Variants in HRAS observed in about 807,000 individuals in gnomAD.
The protein encoded by HRAS is HRas proto-oncogene, GTPase.
HRAS carries 11 observed loss-of-function variants against 19.8 expected under a neutral mutation model. The observed-to-expected ratio is 0.55, with a 90% confidence interval of 0.35 to 0.92. The LOEUF (loss-of-function observed/expected upper bound fraction) is 0.92. Ranked by LOEUF, HRAS falls within the 40% of genes least tolerant of loss-of-function variation. The pLI is 0.01. For missense variants in HRAS, 204 were observed against 255.9 expected, an observed-to-expected ratio of 0.80 and a Z score of 1.38; for synonymous variants, 149 against 105.5, an observed-to-expected ratio of 1.41 and a Z score of -2.52.
chr11:533,911 C>A lies in HRAS; in HGVS notation c.145G>T (p.Glu49Ter), dbSNP rs1277340795. ...TCCAGGATGTCCAACAGGCACGTCTCCCCATCAATGACCACCTGCTTCCGG... is the reference window on the plus strand; with the variant it reads ...TCCAGGATGTCCAACAGGCACGTCTACCCATCAATGACCACCTGCTTCCGG... ...SYRKQVVIDGETCLLDILDTA... is the reference protein window; with the variant it reads ...SYRKQVVIDG The change falls in exon 3 of 6, where the codon GAG becomes TAG. Residue 49 changes from glutamate to a stop codon, truncating the protein, a stop_gained. Coordinates refer to ENST00000311189, the MANE Select transcript of HRAS (RefSeq NM_005343.4). LOFTEE classifies it high-confidence loss of function. 3 of 1,612,902 alleles carry A rather than the reference C, an allele frequency of 1.9e-6. No homozygotes were observed. Among genetic ancestry groups the A allele is most frequent in the Non-Finnish European group, 2.5e-6 (3 of 1,180,010 alleles).
chr11:533,578 C>T lies in HRAS; in HGVS notation c.325G>A (p.Val109Met), dbSNP rs1342261234. 1.2e-6 allele frequency: 2 copies of T among 1,613,844 alleles called. No individual in the cohort carries two copies. The highest frequency in any genetic ancestry group is 2.2e-5 in the East Asian group (1 of 44,886). Residue 109 changes from valine (V) to methionine (M), a missense_variant, in exon 4 of 6, where the codon GTG becomes ATG. Physicochemically the swap from Val to Met is conservative, Grantham distance 21. Transcript: ENST00000311189. ...TTGTTCCCCACCAGCACCATGGGCACGTCATCCGAGTCCTTCACCCGTTTG... is the reference window on the plus strand; with the variant it reads ...TTGTTCCCCACCAGCACCATGGGCATGTCATCCGAGTCCTTCACCCGTTTG... ...QIKRVKDSDD[V>M]PMVLVGNKCD...
In HRAS at chr11:532,614, C is replaced by T. The variant is rs1373059919; in HGVS notation, c.*5+17G>A. The T allele has an allele frequency of 1.9e-6, 3 of 1,606,636 alleles. No individual in the cohort carries two copies. Among genetic ancestry groups the T allele is most frequent in the Non-Finnish European group, 1.7e-6 (2 of 1,179,174 alleles). On this transcript the variant is annotated intron_variant, in intron 5 of 5. Coordinates refer to ENST00000311189, the MANE Select transcript of HRAS (RefSeq NM_005343.4). ...TCATCCGGTGGGCGTGGCGGCCGCC[C>T]TGGGAGTCCCCCTCACCTGCGTCAG...
Position 533,323 on chromosome 11 carries a change from G to T in HRAS, c.450+130C>A, listed in dbSNP as rs905746081. 24 of 1,603,822 alleles carry T rather than the reference G, an allele frequency of 1.5e-5. No individual in the cohort carries two copies. Among genetic ancestry groups the T allele is most frequent in the Non-Finnish European group, 2.0e-5 (24 of 1,179,552 alleles). ...ACATGGGTCCCGGGGGGTCCCAGAG[G>T]GTCCCGGAGCTGGAGCTAGAGCCAG... is the stretch of plus-strand genomic sequence containing the variant. On this transcript the variant is annotated intron_variant, in intron 4 of 5. Coordinates refer to ENST00000311189, the MANE Select transcript of HRAS (RefSeq NM_005343.4).
chr11:533,410 G>A (rs778295522), intron 4 of HRAS, 43 bp downstream of exon 4: 10 of 1,609,304 alleles, frequency 6.2e-6, no homozygotes, highest in South Asian at 3.3e-5. Context: ...GGGGCGGGGC[G>A]GGGCGGGTCC....
rs1851243465 is a variant in HRAS at position 533,528 on chromosome 11, C to T, written c.375G>A (p.Val125=). ...GNKCDLAART[V]ESRQAQDLAR... ...CGAGGTCCTGAGCCTGCCGAGATTC[C>T]ACAGTGCGTGCAGCCAGGTCACACT... Residue 125 remains valine, a synonymous_variant, in exon 4 of 6, where the codon GTG becomes GTA. Transcript: ENST00000311189. 1 of 1,613,840 alleles carries T rather than the reference C, an allele frequency of 6.2e-7. No individual in the cohort carries two copies. Among genetic ancestry groups the T allele is most frequent in the Non-Finnish European group, 8.5e-7 (1 of 1,179,992 alleles).
rs1316421435 is a variant in HRAS at position 534,393 on chromosome 11, G to A, written c.-53-18C>T. On this transcript the variant is annotated intron_variant, in intron 1 of 5. Transcript: ENST00000311189. ...TGCCCCACCTGCCAAGGAGGGCCCT[G>A]CTCAGCCAGGCCCAGGCCCAGCCCC... 7.8e-7 allele frequency: 1 copy of A among 1,287,464 alleles called. No individual in the cohort carries two copies. Among genetic ancestry groups the A allele is most frequent in the Non-Finnish European group, 1.1e-6 (1 of 907,410 alleles). 79.8% of individuals were successfully genotyped at this position (1,287,464 alleles called of 1,614,324 possible). A position where few individuals can be genotyped will look rare whatever the true frequency, so the allele number is the denominator to read the frequency against.
chr11:532,879 C>G, intron 4 of HRAS, 124 bp from the exon 5 acceptor site: 3 of 932,660 alleles, frequency 3.2e-6, no homozygotes, highest in Non-Finnish European at 3.4e-6. Context: ...GCCACTTCCC[C>G]AGGCCCACCA....
Position 534,297 on chromosome 11 carries a change from A to AC in HRAS, c.25dup (p.Val9GlyfsTer39). The AC allele has an allele frequency of 6.2e-7, 1 of 1,612,518 alleles. No individual in the cohort carries two copies. Among genetic ancestry groups the AC allele is most frequent in the Non-Finnish European group, 8.5e-7 (1 of 1,179,466 alleles). On this transcript the variant is annotated frameshift_variant, in exon 2 of 6. Transcript: ENST00000311189. LOFTEE classifies it high-confidence loss of function. ...ACTCTTGCCCACACCGCCGGCGCCC[A>AC]CCACCACCAGCTTATATTCCGTCAT...
intron 3 of HRAS, 58 bp downstream of exon 3, chr11:533,708 A>G (rs2133989078): frequency 1.2e-6 from 2 of 1,610,662 alleles, no homozygotes; most frequent in Non-Finnish European, 1.7e-6. Context: ...GCCTGGACGC[A>G]GCCGGCCTGG....
rs745342495 is a variant in HRAS, at chr11:533,989, G to T, written c.112-45C>A. On this transcript the variant is annotated intron_variant, in intron 2 of 5. Transcript: ENST00000311189. ...AGGGACCCCCTCAGGACCTTCCGTG[G>T]GGGGAGTTCACACAGCCAGCCTCTC... 8 of 1,591,170 alleles carry T rather than the reference G, an allele frequency of 5.0e-6. No individual in the cohort carries two copies. In the African/African-American group the frequency reaches 9.4e-5, roughly 19 times the overall value.
chr11:532,828 G>A (rs1851189907), intron 4 of HRAS, 73 bp from the exon 5 acceptor site: 14 of 1,493,736 alleles, frequency 9.4e-6, no homozygotes, highest in Non-Finnish European at 1.3e-5. Flanking sequence ...TCCCTGCTGT[G>A]GGATCAAGCC....
intron 1 of HRAS, 162 bp from the exon 2 acceptor site, chr11:534,537 C>T (rs973701938): frequency 1.7e-6 from 1 of 596,094 alleles, no homozygotes; most frequent in Middle Eastern, 4.4e-4. Context: ...TGCAACCCAG[C>T]GTGCGGGAGG....
rs2133986188 is a variant in HRAS at position 533,459 on chromosome 11, G to A, written c.444C>T (p.Thr148=). The change falls in exon 4 of 6, where the codon ACC becomes ACT. Residue 148 remains threonine, a synonymous_variant. Coordinates refer to ENST00000311189, the MANE Select transcript of HRAS (RefSeq NM_005343.4). ...GIPYIETSAK[T]RQGVEDAFYT... The stretch of plus-strand genomic sequence containing the variant: ...GGGTGGAGAGCTGCCTCACCTGCCG[G>A]GTCTTGGCCGAGGTCTCGATGTAGG... 3 of 1,613,290 alleles carry A rather than the reference G, an allele frequency of 1.9e-6. No homozygotes were observed. The highest frequency in any genetic ancestry group is 2.5e-6 in the Non-Finnish European group (3 of 1,179,972).
chr11:533,239 T>A (rs2133984647), intron 4 of HRAS: 2 of 1,516,546 alleles, frequency 1.3e-6, no homozygotes, highest in Non-Finnish European at 1.8e-6. Flanking sequence ...ACCCCGGCCC[T>A]CGCCTCCCTC....
chr11:533,428 G>T, intron 4 of HRAS, 25 bp downstream of exon 4: 2 of 1,611,506 alleles, frequency 1.2e-6, no homozygotes, highest in Non-Finnish European at 1.7e-6. Context: ...TCCCTGGCTA[G>T]CTGTGGGGTG....
Position 532,401 on chromosome 11 carries a change from A to G in HRAS, c.*127T>C. 1 of 617,686 alleles carries G rather than the reference A, an allele frequency of 1.6e-6. No homozygotes were observed. The highest frequency in any genetic ancestry group is 2.8e-6 in the Non-Finnish European group (1 of 353,720). The allele number at this position is 617,686 out of a possible 1,614,324, so 38.3% of individuals were successfully genotyped here. On this transcript the variant is annotated 3_prime_UTR_variant, in exon 6 of 6. Coordinates refer to ENST00000311189, the MANE Select transcript of HRAS (RefSeq NM_005343.4). ...GGAGGGTCTGCAGTCACCTCGGCCC[A>G]CGGTCCCGGGGTGACTGGGCTCCAG...
At position 532,681 on chromosome 11, in the gene HRAS, A is replaced by G; in HGVS notation, c.525T>C (p.Asp175=). Residue 175 remains aspartate (D), a synonymous_variant, in exon 5 of 6, where the codon GAT becomes GAC. Transcript: ENST00000311189. ...AGCTCATGCAGCCGGGGCCACTCTC[A>G]TCAGGAGGGTTCAGCTTCCGCAGCT... The part of the protein sequence containing the change: ...QHKLRKLNPP[D]ESGPGCMSCK... The G allele has an allele frequency of 6.2e-7, 1 of 1,613,092 alleles. No homozygotes were observed. The highest frequency in any genetic ancestry group is 8.5e-7 in the Non-Finnish European group (1 of 1,179,948).
chr11:533,237 C>A, intron 4 of HRAS: 4 of 1,510,714 alleles, frequency 2.6e-6, no homozygotes, highest in Non-Finnish European at 3.6e-6. Flanking sequence ...AGACCCCGGC[C>A]CTCGCCTCCC....
rs966285415 is a variant in HRAS at position 535,125 on chromosome 11, C to G, written c.-54+291G>C. 4.3e-4 allele frequency: 66 copies of G among 152,042 alleles called. 1 individual carries two copies. The highest frequency in any genetic ancestry group is 1.6e-3 in the African/African-American group (65 of 41,502). The allele number at this position is 152,042 out of a possible 1,614,324, so 9.4% of individuals were successfully genotyped here. A position where few individuals can be genotyped will look rare whatever the true frequency, so the allele number is the denominator to read the frequency against. On this transcript the variant is annotated intron_variant, in intron 1 of 5. Transcript: ENST00000311189. Reference sequence around the variant, plus strand: ...CCAGACGCCCCCGGGTGTGAGGGCGCCGGGCCCGAGGCTCCCGGGTACGCC... The same window carrying G: ...CCAGACGCCCCCGGGTGTGAGGGCGGCGGGCCCGAGGCTCCCGGGTACGCC...
Sources: gnomAD v4.1 joint callset for allele counts on GRCh38, gnomAD v4.1.1 for gene constraint, MANE v1.5 for transcripts, NCBI Gene and HGNC (gene_info 2026-07-23, HGNC 2026-07-21) for gene names.